The following TBC1D5 variants were observed in gnomAD, a reference collection of about 807,000 sequenced individuals.
The protein encoded by TBC1D5 is TBC1 domain family, member 5.
In TBC1D5, 75 loss-of-function variants were observed where a neutral mutation model predicts 100.3. The ratio of observed to expected loss-of-function variants is 0.75; its 90% CI spans 0.62 to 0.91. The LOEUF is 0.91. Ranked by LOEUF, TBC1D5 falls within the 40% of genes least tolerant of loss-of-function variation. The pLI is 0.00. For synonymous variants in TBC1D5, 323 were observed against 325.6 expected (o/e 0.99, Z 0.09); for missense variants, 910 against 942.4 (o/e 0.97, Z 0.45).
chr3:17,424,983 C>T (rs1273778283), intron 4 of TBC1D5, among the ~76,000 whole-genome samples: 1 of 152,120 alleles, frequency 6.6e-6, no homozygotes, highest in Admixed American at 6.5e-5. Context: ...TTGAGAATGT[C>T]AAATCTCAGG....
At chr3:17,454,005 A>G (rs1393839005) in intron 3 of TBC1D5, among the ~76,000 whole-genome samples, 1 of 152,242 alleles carries the variant, frequency 6.6e-6, no homozygotes, top group African/African-American at 2.4e-5. Flanking sequence ...GGAATGAAGG[A>G]TAAAAACCAC....
chr3:17,371,724 T>C (rs763820183), intron 13 of TBC1D5, among the ~76,000 whole-genome samples: 1 of 152,172 alleles, frequency 6.6e-6, no homozygotes. Flanking sequence ...TTACATATCA[T>C]TAGAAACTAC....
Position 17,564,029 on chromosome 3 carries a change from G to A in TBC1D5, c.-35-55424C>T, listed in dbSNP as rs560417520. ...GATCTCCTGACCTTGTGATCCGCCC[G>A]CCTTGGCCTCCCAAAGTGCTGGGAT... On this transcript the variant is annotated intron_variant, in intron 2 of 21. Coordinates refer to ENST00000253692, the Ensembl canonical transcript of TBC1D5. 3.0e-3 allele frequency among the ~76,000 whole-genome samples: 450 copies of A among 152,228 alleles called. 1 individual carries two copies. The highest frequency in any genetic ancestry group is 9.4e-3 in the African/African-American group (391 of 41,556).
intron 13 of TBC1D5, among the ~76,000 whole-genome samples, chr3:17,344,829 T>C (rs181507593): frequency 1.1e-4 from 17 of 152,332 alleles, no homozygotes; most frequent in Admixed American, 1.1e-3. Flanking sequence ...GGATTCTCTA[T>C]TTAATAAATG....
chr3:17,364,231 T>C (rs532634523), intron 13 of TBC1D5, among the ~76,000 whole-genome samples: 1 of 152,280 alleles, frequency 6.6e-6, no homozygotes, highest in African/African-American at 2.4e-5. Context: ...TTTCACCATA[T>C]CATATTTTGA....
At chr3:17,436,818 G>T (rs1378760524) in intron 3 of TBC1D5, among the ~76,000 whole-genome samples, 1 of 152,078 alleles carries the variant, frequency 6.6e-6, no homozygotes. Context: ...TACACATATA[G>T]CAATAACAGA....
intron 19 of TBC1D5, among the ~76,000 whole-genome samples, chr3:17,184,377 T>G (rs947280753): frequency 6.6e-6 from 1 of 152,204 alleles, no homozygotes; most frequent in African/African-American, 2.4e-5. Context: ...ATCACATTAG[T>G]GATTACTGAC....
chr3:17,383,365 A>G (rs1468408969), intron 9 of TBC1D5, among the ~76,000 whole-genome samples: 1 of 151,894 alleles, frequency 6.6e-6, no homozygotes, highest in Non-Finnish European at 1.5e-5. Flanking sequence ...ATCTGTATAT[A>G]TTAAATAATT....
chr3:17,390,611 A>G (rs1376611281), intron 8 of TBC1D5, among the ~76,000 whole-genome samples: 1 of 152,114 alleles, frequency 6.6e-6, no homozygotes, highest in Non-Finnish European at 1.5e-5. Context: ...TGAAGGAACA[A>G]TAACTGTTGT....
intron 1 of TBC1D5, among the ~76,000 whole-genome samples, chr3:17,649,860 A>G (rs1388422563): frequency 6.6e-6 from 1 of 152,212 alleles, no homozygotes; most frequent in African/African-American, 2.4e-5. Flanking sequence ...TTACTGCGGC[A>G]CTATTCACAA....
At chr3:17,359,167 T>C (rs547214438) in intron 13 of TBC1D5, among the ~76,000 whole-genome samples, 105 of 152,234 alleles carry the variant, frequency 6.9e-4, no homozygotes, top group African/African-American at 2.4e-3. Flanking sequence ...CAGCATTTCA[T>C]CTGTATCTCC....
Position 17,374,678 on chromosome 3 carries a change from CA to C in TBC1D5, c.702del (p.Ser234ArgfsTer4). On this transcript the variant is annotated frameshift_variant and splice_region_variant, in exon 11 of 22. Transcript: ENST00000253692. LOFTEE classifies it high-confidence loss of function. ...GGGTTCAAGACAGTTTTCATTTCCT[CA>C]CTTAAAAAAGCAATACAAGCAATCA... 8 of 1,610,090 alleles carry C rather than the reference CA, an allele frequency of 5.0e-6. No individual in the cohort carries two copies. Among genetic ancestry groups the C allele is most frequent in the Non-Finnish European group, 6.8e-6 (8 of 1,179,080 alleles).
At chr3:17,382,855 C>T (rs1052432587) in intron 9 of TBC1D5, among the ~76,000 whole-genome samples, 2 of 152,082 alleles carry the variant, frequency 1.3e-5, no homozygotes, top group Non-Finnish European at 2.9e-5. Context: ...AGCCACTGCA[C>T]CTGGCCTATA....
chr3:17,168,817 T>C (rs1026844374), intron 19 of TBC1D5, among the ~76,000 whole-genome samples: 1 of 152,336 alleles, frequency 6.6e-6, no homozygotes, highest in South Asian at 2.1e-4. Context: ...TTACAATGTC[T>C]TCCATGCTAC....
intron 2 of TBC1D5, among the ~76,000 whole-genome samples, chr3:17,532,363 C>T (rs960831133): frequency 1.7e-4 from 26 of 152,058 alleles, no homozygotes; most frequent in Non-Finnish European, 2.8e-4. Context: ...TGTAGAGAAA[C>T]AGGAACACTT....
At chr3:17,284,888 T>C (rs2081008901) in intron 15 of TBC1D5, among the ~76,000 whole-genome samples, 1 of 152,014 alleles carries the variant, frequency 6.6e-6, no homozygotes, top group African/African-American at 2.4e-5. Flanking sequence ...AAATATCAAC[T>C]ATAATAAACA....
Position 17,400,049 on chromosome 3 carries a change from T to C in TBC1D5, c.509+3132A>G, listed in dbSNP as rs539837654. ...TCAGAAAAATGATCACCCTCTGTAATTATTCTCTTTATCTATACATGCTTA... is the reference window on the plus strand; with the variant it reads ...TCAGAAAAATGATCACCCTCTGTAACTATTCTCTTTATCTATACATGCTTA... On this transcript the variant is annotated intron_variant, in intron 8 of 21. Coordinates refer to ENST00000253692, the Ensembl canonical transcript of TBC1D5. 7.2e-5 allele frequency among the ~76,000 whole-genome samples: 11 copies of C among 152,186 alleles called. No homozygotes were observed. The South Asian group carries it at 2.1e-3, about 29-fold the overall frequency.
At chr3:17,473,464 C>A (rs1423585169) in intron 3 of TBC1D5, among the ~76,000 whole-genome samples, 3 of 152,154 alleles carry the variant, frequency 2.0e-5, no homozygotes, top group Non-Finnish European at 4.4e-5. Flanking sequence ...TTGCAACATT[C>A]ATCCTTTATG....
intron 13 of TBC1D5, among the ~76,000 whole-genome samples, chr3:17,344,971 A>T (rs564254817): frequency 6.6e-6 from 1 of 152,350 alleles, no homozygotes; most frequent in East Asian, 1.9e-4. Context: ...ACCCTAGAAG[A>T]AAACCTAGGC....
Sources: allele counts gnomAD v4.1 joint callset (sites outside exome capture counted in the v4.1 genomes callset), GRCh38; gene constraint gnomAD v4.1.1; transcripts MANE v1.5; gene names NCBI Gene and HGNC (gene_info 2026-07-23, HGNC 2026-07-21).